The following OR2C1 variants were observed in gnomAD, a reference collection of about 807,000 sequenced individuals.
OR2C1 encodes olfactory receptor family 2 subfamily C member 1, also known as olfactory receptor 2C1.
For synonymous variants in OR2C1, 209 were observed against 167.3 expected, an observed-to-expected ratio of 1.25 and a Z score of -1.92; for missense variants, 468 against 388.3, an observed-to-expected ratio of 1.21 and a Z score of -1.73.
the OR2C1 span, among the ~76,000 whole-genome samples, chr16:3,329,372 A>C: frequency 0.012 from 1,878 of 152,228 alleles, 40 homozygotes; most frequent in African/African-American, 0.041. Flanking sequence ...GAACACCACG[A>C]AAAGAGTTTA....
the OR2C1 span, among the ~76,000 whole-genome samples, chr16:3,343,320 G>C: frequency 6.6e-6 from 1 of 152,158 alleles, no homozygotes; most frequent in South Asian, 2.1e-4. Flanking sequence ...GGCTGGTCTT[G>C]AACTCCTGGG....
chr16:3,351,226 C>CTTTTTTT (rs146153498), upstream of OR2C1, among the ~76,000 whole-genome samples: 4 of 13,266 alleles, frequency 3.0e-4, no homozygotes, highest in South Asian at 3.5e-3. Context: ...TTTTCTTTTT[C>CTTTTTTT]TTTTTTTTTT....
At chr16:3,332,852 T>C in the OR2C1 span, among the ~76,000 whole-genome samples, 2 of 152,098 alleles carry the variant, frequency 1.3e-5, no homozygotes, top group Admixed American at 6.6e-5. Context: ...AACTCAGATA[T>C]CTCTTCAATA....
the OR2C1 span, among the ~76,000 whole-genome samples, chr16:3,335,788 C>G: frequency 6.6e-6 from 1 of 152,244 alleles, no homozygotes; most frequent in South Asian, 2.1e-4. Context: ...CTTTACTGAA[C>G]TTGCTTATTA....
chr16:3,341,846 C>G, the OR2C1 span, among the ~76,000 whole-genome samples: 1 of 152,186 alleles, frequency 6.6e-6, no homozygotes, highest in Non-Finnish European at 1.5e-5. Flanking sequence ...TTCAGCTCCT[C>G]TCTCCTCCAT....
In OR2C1 at chr16:3,357,018, T is replaced by A. The variant is rs112698908; in HGVS notation, c.*139T>A. 7 of 726,504 alleles carry A rather than the reference T, an allele frequency of 9.6e-6. No individual in the cohort carries two copies. The highest frequency in any genetic ancestry group is 8.9e-5 in the African/African-American group (5 of 56,128). The allele number at this position is 726,504 out of a possible 1,614,324, so 45.0% of individuals were successfully genotyped here. A position where few individuals can be genotyped will look rare whatever the true frequency, so the allele number is the denominator to read the frequency against. Reference sequence around the variant, plus strand: ...CCTGACAGCCCTAAGCTGACAGCCCTAAGCTGTTGGGAACATGGTTAGTGT... The same window carrying A: ...CCTGACAGCCCTAAGCTGACAGCCCAAAGCTGTTGGGAACATGGTTAGTGT... On this transcript the variant is annotated 3_prime_UTR_variant, in exon 1 of 1. Coordinates refer to ENST00000304936, the MANE Select transcript of OR2C1 (RefSeq NM_012368.3).
the OR2C1 span, among the ~76,000 whole-genome samples, chr16:3,337,080 C>G: frequency 6.6e-6 from 1 of 152,068 alleles, no homozygotes; most frequent in Non-Finnish European, 1.5e-5. Flanking sequence ...GTCTCGAACT[C>G]CTGACCTCAG....
At chr16:3,339,886 C>T in the OR2C1 span, among the ~76,000 whole-genome samples, 1 of 152,168 alleles carries the variant, frequency 6.6e-6, no homozygotes, top group East Asian at 1.9e-4. Flanking sequence ...TTTTGACTTG[C>T]ATTTCCCCAA....
the OR2C1 span, among the ~76,000 whole-genome samples, chr16:3,337,544 T>G: frequency 6.6e-6 from 1 of 152,124 alleles, no homozygotes; most frequent in Non-Finnish European, 1.5e-5. Context: ...TAATGAAAAT[T>G]TTAATTCGGC....
the OR2C1 span, among the ~76,000 whole-genome samples, chr16:3,343,091 G>A: frequency 6.6e-6 from 1 of 152,054 alleles, no homozygotes; most frequent in Non-Finnish European, 1.5e-5. Context: ...GAGGTAGGTG[G>A]GTGTGGTTAT....
chr16:3,329,936 G>A, the OR2C1 span, among the ~76,000 whole-genome samples: 1 of 150,508 alleles, frequency 6.6e-6, no homozygotes, highest in Admixed American at 6.6e-5. Flanking sequence ...TGTATTTTTA[G>A]TAGAGATGGG....
At chr16:3,328,316 C>A in the OR2C1 span, among the ~76,000 whole-genome samples, 37 of 152,216 alleles carry the variant, frequency 2.4e-4, no homozygotes, top group African/African-American at 8.4e-4. Context: ...CCATAAGCTA[C>A]TGTTTATTAC....
At chr16:3,325,276 C>G in the OR2C1 span, among the ~76,000 whole-genome samples, 1 of 151,848 alleles carries the variant, frequency 6.6e-6, no homozygotes, top group Admixed American at 6.6e-5. Context: ...GCCACTGTGC[C>G]CAGCCTATTT....
chr16:3,326,505 A>G, the OR2C1 span, among the ~76,000 whole-genome samples: 4 of 152,194 alleles, frequency 2.6e-5, no homozygotes, highest in East Asian at 1.9e-4. Context: ...ATTCAACTAG[A>G]AGCTTTACAC....
At chr16:3,327,529 C>A in the OR2C1 span, among the ~76,000 whole-genome samples, 1 of 151,804 alleles carries the variant, frequency 6.6e-6, no homozygotes, top group Non-Finnish European at 1.5e-5. Flanking sequence ...ACCCTCTTGA[C>A]CTCCTCCCTG....
the OR2C1 span, among the ~76,000 whole-genome samples, chr16:3,324,223 ACT>A: frequency 6.6e-6 from 1 of 152,094 alleles, no homozygotes; most frequent in African/African-American, 2.4e-5. Flanking sequence ...ACAGAGCCTC[ACT>A]CTATCCCCCA....
chr16:3,323,692 G>A, the OR2C1 span: 3 of 683,534 alleles, frequency 4.4e-6, no homozygotes, highest in East Asian at 2.5e-5. Context: ...GCAATTCCAA[G>A]GCACGAGGTT....
chr16:3,339,456 C>A, the OR2C1 span, among the ~76,000 whole-genome samples: 2 of 151,858 alleles, frequency 1.3e-5, 1 homozygote, highest in South Asian at 4.2e-4. Context: ...GTGGCTGAAC[C>A]ATTTTACTTT....
At chr16:3,338,545 T>A in the OR2C1 span, among the ~76,000 whole-genome samples, 1 of 137,530 alleles carries the variant, frequency 7.3e-6, no homozygotes, top group Non-Finnish European at 1.6e-5. Flanking sequence ...TACCTTTTTT[T>A]TTTTTTTTTT....
Sources: gnomAD v4.1 joint callset for allele counts (sites outside exome capture counted in the v4.1 genomes callset) on GRCh38, gnomAD v4.1.1 for gene constraint, MANE v1.5 for transcripts, NCBI Gene and HGNC (gene_info 2026-07-23, HGNC 2026-07-21) for gene names.